Variants in UBE2E2 observed in about 807,000 individuals in gnomAD.
UBE2E2 encodes ubiquitin conjugating enzyme E2 E2, also known as ubiquitin-conjugating enzyme E2 E2.
In UBE2E2, 6 loss-of-function variants were observed where a neutral mutation model predicts 24.7. The ratio of observed to expected loss-of-function variants is 0.24; its 90% CI spans 0.13 to 0.48. The LOEUF is 0.48. Among genes scored for constraint, UBE2E2 ranks in the 20% least tolerant of loss-of-function variants. UBE2E2 has a pLI of 0.99. For synonymous variants in UBE2E2, 104 were observed against 83.6 expected, an observed-to-expected ratio of 1.24 and a Z score of -1.33; for missense variants, 169 against 245.0, an observed-to-expected ratio of 0.69 and a Z score of 2.07.
Position 23,319,770 on chromosome 3 carries a change from G to A in UBE2E2, c.227+102458G>A, listed in dbSNP as rs547538637. Among the ~76,000 whole-genome samples the A allele has an allele frequency of 4.2e-5, 6 of 143,686 alleles. 1 individual carries two copies. Among genetic ancestry groups the A allele is most frequent in the Admixed American group, 2.1e-4 (3 of 14,484 alleles). 94.3% of individuals were successfully genotyped at this position (143,686 alleles called of 152,430 possible). On this transcript the variant is annotated intron_variant, in intron 3 of 5. Transcript: ENST00000396703. Reference sequence around the variant, plus strand: ...GCAGAGGTTGCAGTGAGTGGAGATCGCACCACTGCACTCCAGCCTGGGCAA... The same window carrying A: ...GCAGAGGTTGCAGTGAGTGGAGATCACACCACTGCACTCCAGCCTGGGCAA...
intron 3 of UBE2E2, among the ~76,000 whole-genome samples, chr3:23,399,890 C>T (rs1697176020): frequency 2.0e-5 from 3 of 152,202 alleles, no homozygotes; most frequent in African/African-American, 2.4e-5. Flanking sequence ...GACTCTTCCT[C>T]ACTTTTGCTG....
chr3:23,276,470 C>T (rs1698377089), intron 3 of UBE2E2, among the ~76,000 whole-genome samples: 1 of 152,052 alleles, frequency 6.6e-6, no homozygotes, highest in Non-Finnish European at 1.5e-5. Flanking sequence ...TTCTTTGAAT[C>T]CTTCCATGTC....
chr3:23,523,679 T>G (rs1237168314), intron 4 of UBE2E2, among the ~76,000 whole-genome samples: 7 of 152,164 alleles, frequency 4.6e-5, no homozygotes. Flanking sequence ...ATACATATTT[T>G]TCAGGATTTA....
chr3:23,431,938 C>T lies in UBE2E2; in HGVS notation c.228-67670C>T, dbSNP rs1178741128. Reference sequence around the variant, plus strand: ...GTCATTAGAAGATGATGATCTAAGACTACTAAATAAGCTCTCACAGACAGG... The same window carrying T: ...GTCATTAGAAGATGATGATCTAAGATTACTAAATAAGCTCTCACAGACAGG... On this transcript the variant is annotated intron_variant, in intron 3 of 5. Transcript: ENST00000396703. 5.3e-5 allele frequency among the ~76,000 whole-genome samples: 8 copies of T among 152,262 alleles called. 1 individual carries two copies. The East Asian group carries it at 7.7e-4, about 15-fold the overall frequency.
At chr3:23,498,693 T>A (rs1026346753) in intron 3 of UBE2E2, among the ~76,000 whole-genome samples, 1 of 152,138 alleles carries the variant, frequency 6.6e-6, no homozygotes, top group Non-Finnish European at 1.5e-5. Context: ...TAAAAATACA[T>A]TTTCTAGGGG....
chr3:23,273,401 G>A (rs1228648442), intron 3 of UBE2E2, among the ~76,000 whole-genome samples: 1 of 152,068 alleles, frequency 6.6e-6, no homozygotes, highest in African/African-American at 2.4e-5. Context: ...CGTGATGGCG[G>A]ACGCCTGTAG....
intron 3 of UBE2E2, among the ~76,000 whole-genome samples, chr3:23,291,532 A>G (rs7613969): frequency 0.34 from 52,162 of 151,976 alleles, 9,195 homozygotes; most frequent in South Asian, 0.4. Flanking sequence ...CAAGCAACAT[A>G]CTGCTGACTA....
chr3:23,472,078 A>G lies in UBE2E2; in HGVS notation c.228-27530A>G, dbSNP rs191366267. On this transcript the variant is annotated intron_variant, in intron 3 of 5. Coordinates refer to ENST00000396703, the MANE Select transcript of UBE2E2 (RefSeq NM_152653.4). Reference sequence around the variant, plus strand: ...ATTAAAACTATGAACTATTACTTCAAAACAAGCTAAAAGAAGTTTTTTACA... The same window carrying G: ...ATTAAAACTATGAACTATTACTTCAGAACAAGCTAAAAGAAGTTTTTTACA... Among the ~76,000 whole-genome samples, 1,043 of 152,350 alleles carry G rather than the reference A, an allele frequency of 6.8e-3. 15 individuals are homozygous for G. The highest frequency in any genetic ancestry group is 0.021 in the African/African-American group (881 of 41,576).
chr3:23,465,024 T>C (rs1698892738), intron 3 of UBE2E2, among the ~76,000 whole-genome samples: 1 of 152,202 alleles, frequency 6.6e-6, no homozygotes, highest in South Asian at 2.1e-4. Context: ...GACACACAAA[T>C]TTTCATCTTA....
chr3:23,264,277 T>C (rs1697982923), intron 3 of UBE2E2, among the ~76,000 whole-genome samples: 1 of 152,018 alleles, frequency 6.6e-6, no homozygotes, highest in African/African-American at 2.4e-5. Context: ...TGTTCGTATC[T>C]TTAGGTTACA....
chr3:23,228,177 T>G (rs995620459), intron 3 of UBE2E2, among the ~76,000 whole-genome samples: 1 of 152,316 alleles, frequency 6.6e-6, no homozygotes, highest in East Asian at 1.9e-4. Flanking sequence ...TTAAAAATAT[T>G]TATTTGCTAA....
intron 3 of UBE2E2, among the ~76,000 whole-genome samples, chr3:23,243,444 A>G (rs532229986): frequency 5.3e-5 from 8 of 152,110 alleles, no homozygotes; most frequent in African/African-American, 1.9e-4. Context: ...TGGGCCCTTT[A>G]CCCTACATTT....
intron 3 of UBE2E2, among the ~76,000 whole-genome samples, chr3:23,232,263 G>A (rs1359790006): frequency 6.6e-6 from 1 of 152,218 alleles, no homozygotes; most frequent in Admixed American, 6.5e-5. Flanking sequence ...GATTTTAGGA[G>A]TTGTATGCCA....
intron 3 of UBE2E2, among the ~76,000 whole-genome samples, chr3:23,479,214 C>T (rs140287967): frequency 4.6e-5 from 7 of 152,242 alleles, no homozygotes; most frequent in African/African-American, 7.2e-5. Context: ...GAGCCAGGCA[C>T]GGAGCAGTGA....
intron 2 of UBE2E2, among the ~76,000 whole-genome samples, chr3:23,209,926 C>T (rs1363163231): frequency 6.6e-6 from 1 of 152,040 alleles, no homozygotes; most frequent in Non-Finnish European, 1.5e-5. Context: ...GTTTGAAAGT[C>T]AGAGAGCCCT....
rs1398035471 is a variant in UBE2E2 at position 23,391,420 on chromosome 3, A to G, written c.228-108188A>G. On this transcript the variant is annotated intron_variant, in intron 3 of 5. Coordinates refer to ENST00000396703, the MANE Select transcript of UBE2E2 (RefSeq NM_152653.4). ...GTATTAGCACATTCACTTGTCATCA[A>G]AATTTTTGTTGGGCATCTACTATAT... Among the ~76,000 whole-genome samples the G allele has an allele frequency of 3.3e-5, 5 of 152,184 alleles. No homozygotes were observed. In the East Asian group the frequency reaches 9.6e-4, roughly 29 times the overall value.
intron 4 of UBE2E2, among the ~76,000 whole-genome samples, chr3:23,510,326 A>G (rs749887599): frequency 5.3e-5 from 8 of 152,098 alleles, no homozygotes; most frequent in Non-Finnish European, 1.2e-4. Flanking sequence ...CATCTAGGGG[A>G]CTGGGCATGG....
intron 3 of UBE2E2, among the ~76,000 whole-genome samples, chr3:23,334,859 G>A (rs529145889): frequency 1.4e-4 from 22 of 152,162 alleles, no homozygotes; most frequent in Admixed American, 2.6e-4. Flanking sequence ...ATCAGCTATT[G>A]ATATGTGAAT....
intron 5 of UBE2E2, among the ~76,000 whole-genome samples, chr3:23,570,963 A>G (rs1052826783): frequency 6.6e-6 from 1 of 152,128 alleles, no homozygotes; most frequent in Non-Finnish European, 1.5e-5. Context: ...TCAAGTCCTG[A>G]TTTTGTACCA....
Sources: allele counts gnomAD v4.1 joint callset (sites outside exome capture counted in the v4.1 genomes callset), GRCh38; gene constraint gnomAD v4.1.1; transcripts MANE v1.5; gene names NCBI Gene and HGNC (gene_info 2026-07-23, HGNC 2026-07-21).